Variants in SOX13 observed in about 807,000 individuals in gnomAD.
SOX13 encodes transcription factor SOX-13.
A neutral mutation model predicts 71.8 loss-of-function variants in SOX13; 28 were observed. The ratio of observed to expected loss-of-function variants is 0.39; its 90% confidence interval spans 0.29 to 0.53. The LOEUF (loss-of-function observed/expected upper bound fraction) is 0.53. Among genes scored for constraint, SOX13 ranks in the 20% least tolerant of loss-of-function variants. The pLI is 0.70. For synonymous variants in SOX13, 309 were observed against 317.8 expected (o/e 0.97, Z 0.29); for missense variants, 627 against 810.3 (o/e 0.77, Z 2.75).
intron 1 of SOX13, among the ~76,000 whole-genome samples, chr1:204,089,263 G>A (rs1458559982): frequency 2.6e-5 from 4 of 152,286 alleles, no homozygotes; most frequent in Middle Eastern, 3.4e-3. Context: ...CTTGGCGTGC[G>A]CTAGAGGACG....
chr1:204,090,984 A>G (rs1656130641), intron 1 of SOX13, among the ~76,000 whole-genome samples: 1 of 152,182 alleles, frequency 6.6e-6, no homozygotes, highest in African/African-American at 2.4e-5. Context: ...ACACGGGCCG[A>G]GGAGCTAGGA....
intron 1 of SOX13, among the ~76,000 whole-genome samples, chr1:204,087,277 CTGGGTAG>C (rs1471511976): frequency 1.2e-3 from 176 of 152,348 alleles, no homozygotes; most frequent in Non-Finnish European, 2.0e-3. Flanking sequence ...TGCCCATCAC[CTGGGTAG>C]ATAAGTCAGG....
intron 1 of SOX13, among the ~76,000 whole-genome samples, chr1:204,086,962 A>G (rs1166111611): frequency 3.4e-5 from 5 of 148,896 alleles, no homozygotes; most frequent in Non-Finnish European, 3.0e-5. Context: ...TCACTCTGTC[A>G]CCCAGGCTGG....
rs771014997 is a variant in SOX13, at chr1:204,115,657, C to CTTTTTTTTT, written c.419-833_419-825dup. 4.7e-4 allele frequency among the ~76,000 whole-genome samples: 27 copies of CTTTTTTTTT among 57,370 alleles called. 1 individual carries two copies. Among genetic ancestry groups the CTTTTTTTTT allele is most frequent in the South Asian group, 7.7e-4 (1 of 1,296 alleles). 37.6% of individuals were successfully genotyped at this position (57,370 alleles called of 152,430 possible). A position where few individuals can be genotyped will look rare whatever the true frequency, so the allele number is the denominator to read the frequency against. On this transcript the variant is annotated intron_variant, in intron 4 of 13. Coordinates refer to ENST00000367204, the MANE Select transcript of SOX13 (RefSeq NM_005686.3). The stretch of plus-strand genomic sequence containing the variant: ...TTTGCATATATTAGCGCTTCTTCTT[C>CTTTTTTTTT]TTTTTTTTTTTTTTTTTTTTTTTTT...
chr1:204,099,646 C>CCCA (rs1446101858), intron 1 of SOX13, among the ~76,000 whole-genome samples: 1 of 151,894 alleles, frequency 6.6e-6, no homozygotes, highest in African/African-American at 2.4e-5. Context: ...CTCCTGGGCT[C>CCCA]AAGCAGTCCT....
intron 1 of SOX13, among the ~76,000 whole-genome samples, chr1:204,097,245 G>A (rs906475938): frequency 2.6e-5 from 4 of 152,154 alleles, no homozygotes; most frequent in African/African-American, 9.7e-5. Flanking sequence ...TTTCAACCAC[G>A]GGGCATGGGG....
chr1:204,106,331 C>A (rs979115585), intron 1 of SOX13, among the ~76,000 whole-genome samples: 1 of 152,126 alleles, frequency 6.6e-6, no homozygotes, highest in African/African-American at 2.4e-5. Flanking sequence ...ATAGTCCTAA[C>A]AGTATCCATC....
Position 204,116,119 on chromosome 1 carries a change from ACCT to A in SOX13, c.419-387_419-385del, listed in dbSNP as rs1656687243. The A allele has an allele frequency of 5.1e-6, 6 of 1,182,710 alleles. No homozygotes were observed. The African/African-American group carries it at 9.6e-5, about 19-fold the overall frequency. 73.3% of individuals were successfully genotyped at this position (1,182,710 alleles called of 1,614,324 possible). On this transcript the variant is annotated intron_variant, in intron 4 of 13. Coordinates refer to ENST00000367204, the MANE Select transcript of SOX13 (RefSeq NM_005686.3). ...GGTTGAAATGGGAATTTGACCCCAG[ACCT>A]GTCTTGCTTCAAAGCCTGAGTGTGT...
intron 1 of SOX13, among the ~76,000 whole-genome samples, chr1:204,077,830 GAGAT>G (rs1655814081): frequency 6.6e-6 from 1 of 151,958 alleles, no homozygotes; most frequent in African/African-American, 2.4e-5. Flanking sequence ...TGTTTGTTTT[GAGAT>G]AGACTCTTAC....
intron 1 of SOX13, among the ~76,000 whole-genome samples, chr1:204,109,572 T>G (rs889932752): frequency 1.3e-5 from 2 of 152,230 alleles, no homozygotes; most frequent in Non-Finnish European, 2.9e-5. Context: ...TCTAGGTTTG[T>G]GTAAATATAC....
intron 5 of SOX13, among the ~76,000 whole-genome samples, chr1:204,116,902 A>G (rs1656706944): frequency 6.6e-6 from 1 of 152,160 alleles, no homozygotes. Context: ...CTGCAGGAAG[A>G]GCAGCTTGCA....
rs114134030 is a variant in SOX13 at position 204,084,623 on chromosome 1, G to A, written c.-2+10912G>A. On this transcript the variant is annotated intron_variant, in intron 1 of 13. Transcript: ENST00000367204. ...GGGAGGCCACAGGCAGGCAGGAGGC[G>A]AGAACAGGTGTCTCAGGAGCTCTGT... Among the ~76,000 whole-genome samples, 1,400 of 152,184 alleles carry A rather than the reference G, an allele frequency of 9.2e-3. 12 individuals are homozygous for A. The highest frequency in any genetic ancestry group is 0.017 in the South Asian group (80 of 4,826).
intron 1 of SOX13, among the ~76,000 whole-genome samples, chr1:204,100,884 A>G (rs1219591231): frequency 2.0e-5 from 3 of 152,134 alleles, no homozygotes; most frequent in Non-Finnish European, 4.4e-5. Flanking sequence ...GGCTGTGCCA[A>G]CGGGAGGCCG....
In SOX13 at chr1:204,126,138, C is replaced by G. The variant is rs200645858; in HGVS notation, c.*4C>G. On this transcript the variant is annotated 3_prime_UTR_variant, in exon 14 of 14. Transcript: ENST00000367204. ...GTTGGTGGTGCTCACAGACTGATCC[C>G]GGCTGGGTGGGCCTGGCCCCTTCTC... 2 of 1,612,216 alleles carry G rather than the reference C, an allele frequency of 1.2e-6. No homozygotes were observed. The highest frequency in any genetic ancestry group is 2.2e-5 in the South Asian group (2 of 90,994).
chr1:204,101,580 C>T (rs913891919), intron 1 of SOX13, among the ~76,000 whole-genome samples: 3 of 151,176 alleles, frequency 2.0e-5, no homozygotes, highest in Admixed American at 6.6e-5. Flanking sequence ...GTAGAGGTTT[C>T]CTGGAAACAC....
At chr1:204,114,264 C>T in intron 2 of SOX13, 57 bp from the exon 3 acceptor site, 1 of 1,227,200 alleles carries the variant, frequency 8.1e-7, no homozygotes, top group Non-Finnish European at 1.2e-6. Context: ...CCCAGCCCTC[C>T]CTGCAGCCTG....
At chr1:204,098,599 A>G (rs1656300737) in intron 1 of SOX13, among the ~76,000 whole-genome samples, 1 of 152,202 alleles carries the variant, frequency 6.6e-6, no homozygotes. Context: ...CATTAGGCAT[A>G]TGTGTTGCCA....
intron 1 of SOX13, among the ~76,000 whole-genome samples, chr1:204,089,504 T>C (rs1197789874): frequency 6.6e-6 from 1 of 152,058 alleles, no homozygotes; most frequent in Non-Finnish European, 1.5e-5. Flanking sequence ...CCTGGGGAGA[T>C]CCCTCCGAGG....
chr1:204,091,224 C>A (rs1656136703), intron 1 of SOX13, among the ~76,000 whole-genome samples: 1 of 152,154 alleles, frequency 6.6e-6, no homozygotes, highest in Non-Finnish European at 1.5e-5. Flanking sequence ...GGGCTGCCAC[C>A]CTGGGAAAAA....
Sources: gnomAD v4.1 joint callset for allele counts (sites outside exome capture counted in the v4.1 genomes callset) on GRCh38, gnomAD v4.1.1 for gene constraint, MANE v1.5 for transcripts, NCBI Gene and HGNC (gene_info 2026-07-23, HGNC 2026-07-21) for gene names.